The following CRB2 variants were observed in gnomAD, a reference collection of about 807,000 sequenced individuals.
CRB2 encodes the protein crumbs cell polarity complex component 2, also known as protein crumbs homolog 2.
A neutral mutation model predicts 110.9 loss-of-function variants in CRB2; 85 were observed. The ratio of observed to expected loss-of-function variants is 0.77; its 90% CI spans 0.64 to 0.92. The LOEUF is 0.92. Ranked by LOEUF, CRB2 falls within the 40% of genes least tolerant of loss-of-function variation. The pLI, the probability that CRB2 is intolerant of heterozygous loss-of-function variation, is 0.00. For missense variants in CRB2, 1,843 were observed against 1,851.3 expected (o/e 1.00, Z 0.08); for synonymous variants, 907 against 831.0 (o/e 1.09, Z -1.57).
At position 123,370,815 on chromosome 9, in the gene CRB2, C is replaced by T; in HGVS notation, c.1762C>T (p.His588Tyr). 1 of 1,604,110 alleles carries T rather than the reference C, an allele frequency of 6.2e-7. No homozygotes were observed. Among genetic ancestry groups the T allele is most frequent in the Non-Finnish European group, 8.5e-7 (1 of 1,179,792 alleles). ...GCLQDVRVDG[H>Y]LLLPEDLGEN... ...CCTCCAGGACGTGCGTGTGGATGGC[C>T]ACCTCCTGCTGCCTGAGGATCTCGG... Residue 588 changes from histidine to tyrosine, a missense_variant, in exon 7 of 13, where the codon CAC becomes TAC. His to Tyr is a moderately conservative substitution (Grantham distance 83, BLOSUM62 2). Coordinates refer to ENST00000373631, the MANE Select transcript of CRB2 (RefSeq NM_173689.7).
rs147306116 is a variant in CRB2 at position 123,363,059 on chromosome 9, G to A, written c.289G>A (p.Val97Met). 1.1e-5 allele frequency: 17 copies of A among 1,611,682 alleles called. No individual in the cohort carries two copies. The highest frequency in any genetic ancestry group is 3.3e-5 in the Admixed American group (2 of 59,996). ...PDPTGFRCYC[V>M]PGFQGPRCEL... ...TCCCACCGGCTTCCGCTGCTACTGC[G>A]TGCCGGGTTTCCAGGGCCCACGCTG... is the stretch of plus-strand genomic sequence containing the variant. The change falls in exon 2 of 13, where the codon GTG (valine) becomes ATG (methionine). Residue 97 changes from valine (V) to methionine (M), a missense_variant. Coordinates refer to ENST00000373631, the MANE Select transcript of CRB2 (RefSeq NM_173689.7).
rs2042139311 is a variant in CRB2, at chr9:123,378,433, T to G, written c.*1371T>G. The G allele has an allele frequency of 1.3e-5, 2 of 152,366 alleles. No homozygotes were observed. The highest frequency in any genetic ancestry group is 3.9e-4 in the East Asian group (2 of 5,184). 9.4% of individuals were successfully genotyped at this position (152,366 alleles called of 1,614,324 possible). A position where few individuals can be genotyped will look rare whatever the true frequency, so the allele number is the denominator to read the frequency against. ...GTCGACAGTCAGCTTTTCCTTTTGG[T>G]TTTGGCGGGTCCCAGAGGCATGGGT... On this transcript the variant is annotated 3_prime_UTR_variant, in exon 13 of 13. Transcript: ENST00000373631.
intron 6 of CRB2, among the ~76,000 whole-genome samples, chr9:123,369,562 C>A (rs1213885858): frequency 1.3e-5 from 2 of 152,044 alleles, no homozygotes; most frequent in Non-Finnish European, 2.9e-5. Context: ...ACAGTATGAG[C>A]AAAGCCCCAG....
intron 1 of CRB2, among the ~76,000 whole-genome samples, chr9:123,360,309 C>T (rs574750586): frequency 6.6e-6 from 1 of 152,342 alleles, no homozygotes; most frequent in East Asian, 1.9e-4. Flanking sequence ...TTAATCCCTC[C>T]CTGCCAGGTC....
Position 123,373,708 on chromosome 9 carries a change from G to C in CRB2, c.3177G>C (p.Val1059=). 3 of 1,518,938 alleles carry C rather than the reference G, an allele frequency of 2.0e-6. No homozygotes were observed. Among genetic ancestry groups the C allele is most frequent in the African/African-American group, 1.4e-5 (1 of 69,372 alleles). The allele number at this position is 1,518,938 out of a possible 1,614,324, so 94.1% of individuals were successfully genotyped here. A position where few individuals can be genotyped will look rare whatever the true frequency, so the allele number is the denominator to read the frequency against. The stretch of plus-strand genomic sequence containing the variant: ...TCCTCGGCTGCCGCGGCGCGCCCGT[G>C]TGTGCGCCCTCGCCCTGTCTGCACG... ...APILGCRGAP[V]CAPSPCLHDG... The change falls in exon 10 of 13, where the codon GTG becomes GTC. Residue 1059 remains valine (V), a synonymous_variant. Transcript: ENST00000373631.
intron 4 of CRB2, 134 bp from the exon 5 acceptor site, chr9:123,367,038 G>GT (rs1361861631): frequency 2.3e-6 from 2 of 854,244 alleles, no homozygotes; most frequent in Non-Finnish European, 3.5e-6. Flanking sequence ...GCGGCCCTTA[G>GT]TGTGTCCCTC....
chr9:123,354,303 C>CG (rs1564365640), upstream of CRB2, among the ~76,000 whole-genome samples: 1 of 152,238 alleles, frequency 6.6e-6, no homozygotes, highest in African/African-American at 2.4e-5. Flanking sequence ...GGACCTGCGC[C>CG]GGGTGACCTC....
chr9:123,369,275 C>T (rs576896680), intron 6 of CRB2, among the ~76,000 whole-genome samples: 1 of 152,332 alleles, frequency 6.6e-6, no homozygotes, highest in South Asian at 2.1e-4. Flanking sequence ...TGCACTACCC[C>T]ACTAGCTCCT....
downstream of CRB2, chr9:123,379,907 TGCCCAGGAGGTGCCCCCATG>T (rs1162247557): frequency 6.6e-6 from 1 of 152,182 alleles, no homozygotes. Context: ...AACACCTAAG[TGCCCAGGAGGTGCCCCCATG>T]GCCCAGGAGT....
At chr9:123,372,957 T>G (rs549017727) in intron 9 of CRB2, among the ~76,000 whole-genome samples, 177 bp from the exon 10 acceptor site, 2 of 152,228 alleles carry the variant, frequency 1.3e-5, no homozygotes, top group East Asian at 3.9e-4. Context: ...AGGAAATACA[T>G]TGGGAGTAGA....
At chr9:123,361,505 C>T (rs1238998096) in intron 1 of CRB2, among the ~76,000 whole-genome samples, 1 of 150,136 alleles carries the variant, frequency 6.7e-6, no homozygotes, top group Admixed American at 6.7e-5. Context: ...GGGGCTTCAC[C>T]AGAGTGGGGG....
chr9:123,371,134 G>T lies in CRB2; in HGVS notation c.1992G>T (p.Glu664Asp). Residue 664 changes from glutamate (E) to aspartate (D), a missense_variant, in exon 8 of 13, where the codon GAG (glutamate) becomes GAT (aspartate). Glu to Asp is a conservative substitution (Grantham distance 45). Coordinates refer to ENST00000373631, the MANE Select transcript of CRB2 (RefSeq NM_173689.7). ...GCTCTGCCTCCTTTCTGCTCCAAGA[G>T]CTGCCAGGTCCCAACCTCACAGTGT... Reference protein sequence around the residue: ...APSSASFLLQELPGPNLTVSF... With the variant: ...APSSASFLLQDLPGPNLTVSF... 1 of 1,613,532 alleles carries T rather than the reference G, an allele frequency of 6.2e-7. No homozygotes were observed. The highest frequency in any genetic ancestry group is 8.5e-7 in the Non-Finnish European group (1 of 1,180,018).
intron 5 of CRB2, 73 bp downstream of exon 5, chr9:123,367,430 C>CCCCCCCCACCCCCCCA: frequency 4.0e-6 from 1 of 249,528 alleles, no homozygotes; most frequent in Non-Finnish European, 6.0e-6. Context: ...CACCCCCCCA[C>CCCCCCCCACCCCCCCA]CCCCCCCACC....
In CRB2 at chr9:123,373,387, C is replaced by T. The variant is rs547666732; in HGVS notation, c.2856C>T (p.Ala952=). ...TGCCCATACCGGGGCCGCGCGTGGC[C>T]GATGGTGCCTGGCACCGCGTGCGTC... is the stretch of plus-strand genomic sequence containing the variant. ...AVLPIPGPRV[A]DGAWHRVRLA... Residue 952 remains alanine, a synonymous_variant, in exon 10 of 13, where the codon GCC becomes GCT. Transcript: ENST00000373631. 123 of 1,434,912 alleles carry T rather than the reference C, an allele frequency of 8.6e-5. No homozygotes were observed. The highest frequency in any genetic ancestry group is 5.0e-4 in the East Asian group (16 of 32,264). The allele number at this position is 1,434,912 out of a possible 1,614,324, so 88.9% of individuals were successfully genotyped here.
intron 9 of CRB2, 103 bp from the exon 10 acceptor site, chr9:123,373,031 A>G: frequency 9.8e-7 from 1 of 1,016,176 alleles, no homozygotes; most frequent in Non-Finnish European, 1.4e-6. Flanking sequence ...CGTGTGCCCC[A>G]CCCCAAGTAA....
intron 1 of CRB2, among the ~76,000 whole-genome samples, chr9:123,358,845 C>T (rs1206298410): frequency 6.6e-6 from 1 of 152,218 alleles, no homozygotes; most frequent in Non-Finnish European, 1.5e-5. Context: ...GAAGAGAATG[C>T]AGTGAGCGGT....
intron 2 of CRB2, among the ~76,000 whole-genome samples, chr9:123,365,490 C>T (rs1404714507): frequency 6.6e-6 from 1 of 152,180 alleles, no homozygotes; most frequent in Admixed American, 6.5e-5. Context: ...TTGCCTCTTG[C>T]TGCAGTCTCT....
chr9:123,359,271 T>TG (rs889870830), intron 1 of CRB2, among the ~76,000 whole-genome samples: 3 of 151,888 alleles, frequency 2.0e-5, no homozygotes, highest in African/African-American at 7.3e-5. Context: ...GGTAGAGCCT[T>TG]GGGGCCCAGG....
chr9:123,369,446 T>C (rs144581013), intron 6 of CRB2, among the ~76,000 whole-genome samples: 2,409 of 152,050 alleles, frequency 0.016, 64 homozygotes, highest in African/African-American at 0.054. Context: ...TAGTTTGAGG[T>C]TGGGAGTTAG....
Sources: gnomAD v4.1 joint callset for allele counts (sites outside exome capture counted in the v4.1 genomes callset) on GRCh38, gnomAD v4.1.1 for gene constraint, MANE v1.5 for transcripts, NCBI Gene and HGNC (gene_info 2026-07-23, HGNC 2026-07-21) for gene names.